The following MYL1 variants were observed in gnomAD, a reference collection of about 807,000 sequenced individuals.
MYL1 encodes the protein myosin light chain 1/3, skeletal muscle isoform.
In MYL1, 16 loss-of-function variants were observed where a neutral mutation model predicts 21.8. The ratio of observed to expected loss-of-function variants is 0.74; its 90% CI spans 0.50 to 1.12. The LOEUF is 1.12. Among genes scored for constraint, MYL1 ranks in the 50% most tolerant of loss-of-function variants. MYL1 has a pLI of 0.00. For synonymous variants in MYL1, 99 were observed against 85.2 expected, an observed-to-expected ratio of 1.16 and a Z score of -0.89; for missense variants, 246 against 241.0, an observed-to-expected ratio of 1.02 and a Z score of -0.14.
intron 1 of MYL1, among the ~76,000 whole-genome samples, chr2:210,310,485 T>C (rs2125744661): frequency 6.6e-6 from 1 of 152,210 alleles, no homozygotes; most frequent in East Asian, 1.9e-4. Flanking sequence ...TTGATGTATG[T>C]GTGTTTAATT....
At chr2:210,298,395 C>T in intron 3 of MYL1, 25 bp downstream of exon 3, 3 of 1,611,898 alleles carry the variant, frequency 1.9e-6, no homozygotes, top group African/African-American at 1.3e-5. Context: ...TACTTCCACA[C>T]TTCTTGGAAA....
chr2:210,291,074 G>A lies in MYL1; in HGVS notation c.557C>T (p.Ala186Val). 1 of 1,609,442 alleles carries A rather than the reference G, an allele frequency of 6.2e-7. No homozygotes were observed. The highest frequency in any genetic ancestry group is 8.5e-7 in the Non-Finnish European group (1 of 1,176,278). ...EDSNGCINYE[A>V]FVKHIMSI ...GATAGACATGATGTGCTTGACAAAA[G>A]CTGTAGGAGCAAAATAGACAAAATA... Residue 186 changes from alanine to valine, a missense_variant and splice_region_variant, in exon 6 of 7, where the codon GCT becomes GTT. Ala to Val is a moderately conservative substitution (Grantham distance 64). Transcript: ENST00000352451.
At chr2:210,292,603 C>T (rs1301174118) in intron 5 of MYL1, among the ~76,000 whole-genome samples, 1 of 150,010 alleles carries the variant, frequency 6.7e-6, no homozygotes, top group Admixed American at 6.6e-5. Flanking sequence ...GCTTTGGTGG[C>T]TTTTGCCATA....
In MYL1 at chr2:210,291,047, CA is replaced by C; in HGVS notation, c.583del (p.Ter195GlufsTer45). ...EAFVKHIMSI[*>X] The stretch of plus-strand genomic sequence containing the variant: ...TGGTATATACCTTGAGAGCTCCATT[CA>C]GATAGACATGATGTGCTTGACAAAA... On this transcript the variant is annotated frameshift_variant and stop_lost, in exon 6 of 7. Transcript: ENST00000352451. LOFTEE classifies it high-confidence loss of function. The C allele has an allele frequency of 6.2e-7, 1 of 1,608,390 alleles. No homozygotes were observed. Among genetic ancestry groups the C allele is most frequent in the South Asian group, 1.1e-5 (1 of 90,670 alleles).
intron 1 of MYL1, among the ~76,000 whole-genome samples, chr2:210,313,539 C>T (rs942596560): frequency 6.6e-6 from 1 of 151,928 alleles, no homozygotes; most frequent in South Asian, 2.1e-4. Flanking sequence ...TATCAGAAGA[C>T]CTGACATGCA....
intron 1 of MYL1, among the ~76,000 whole-genome samples, chr2:210,306,353 C>A (rs1447837337): frequency 1.3e-5 from 2 of 149,738 alleles, no homozygotes; most frequent in Admixed American, 6.7e-5. Context: ...TGTACCCCAG[C>A]CTGGGCTACA....
intron 3 of MYL1, 54 bp downstream of exon 3, chr2:210,298,366 A>ACACACACACT: frequency 6.4e-7 from 1 of 1,556,208 alleles, no homozygotes; most frequent in Non-Finnish European, 8.8e-7. Flanking sequence ...ACACACACAC[A>ACACACACACT]CTGCTACACA....
chr2:210,308,357 T>TA (rs1409419669), intron 1 of MYL1, among the ~76,000 whole-genome samples: 1 of 146,528 alleles, frequency 6.8e-6, no homozygotes, highest in Middle Eastern at 3.3e-3. Flanking sequence ...AGGAAATAAA[T>TA]ATTTTTGCAT....
intron 2 of MYL1, among the ~76,000 whole-genome samples, chr2:210,300,005 T>G (rs149889986): frequency 2.3e-3 from 350 of 152,102 alleles, no homozygotes; most frequent in African/African-American, 7.8e-3. Context: ...TGTTAAAACT[T>G]CCCCCTCGAA....
At position 210,308,480 on chromosome 2, in the gene MYL1, G is replaced by A. The variant is rs933349960; in HGVS notation, c.133-5965C>T. On this transcript the variant is annotated intron_variant, in intron 1 of 6. Transcript: ENST00000352451. ...ATATGGTATAAACAGGGGAAATTAA[G>A]AGTATTGAGAATATGGTACCAGCCC... Among the ~76,000 whole-genome samples the A allele has an allele frequency of 5.0e-5, 7 of 139,744 alleles. No homozygotes were observed. The South Asian group carries it at 1.6e-3, about 31-fold the overall frequency. 91.7% of individuals were successfully genotyped at this position (139,744 alleles called of 152,430 possible). A position where few individuals can be genotyped will look rare whatever the true frequency, so the allele number is the denominator to read the frequency against.
intron 2 of MYL1, among the ~76,000 whole-genome samples, chr2:210,299,078 T>G (rs1290226513): frequency 6.6e-6 from 1 of 152,182 alleles, no homozygotes; most frequent in Non-Finnish European, 1.5e-5. Flanking sequence ...ACTTTATTTT[T>G]CAGGAAAAAT....
intron 5 of MYL1, 76 bp from the exon 6 acceptor site, chr2:210,291,150 G>T: frequency 8.6e-7 from 1 of 1,156,656 alleles, no homozygotes; most frequent in African/African-American, 1.5e-5. Flanking sequence ...GAGGTTTAAT[G>T]AGTTAGCTCA....
At chr2:210,292,354 T>A (rs911430091) in intron 5 of MYL1, among the ~76,000 whole-genome samples, 2 of 152,140 alleles carry the variant, frequency 1.3e-5, no homozygotes, top group African/African-American at 4.8e-5. Flanking sequence ...TTTACAGGCG[T>A]GAGCCACCAC....
chr2:210,305,510 T>C (rs1690329914), intron 1 of MYL1, among the ~76,000 whole-genome samples: 3 of 152,124 alleles, frequency 2.0e-5, no homozygotes, highest in African/African-American at 2.4e-5. Context: ...CTTTGTGTTC[T>C]TTTTTAGTTT....
intron 2 of MYL1, among the ~76,000 whole-genome samples, chr2:210,302,134 CT>C (rs1690272913): frequency 1.3e-5 from 2 of 152,144 alleles, no homozygotes; most frequent in South Asian, 2.1e-4. Flanking sequence ...TCAAATCTCT[CT>C]TTAAGGATTA....
intron 1 of MYL1, 98 bp from the exon 2 acceptor site, chr2:210,302,613 T>G (rs888658703): frequency 1.3e-6 from 2 of 1,509,838 alleles, no homozygotes; most frequent in Non-Finnish European, 1.8e-6. Flanking sequence ...ATCTTCAAAG[T>G]AAGCTCCAAA....
chr2:210,310,198 A>G (rs554769167), intron 1 of MYL1, among the ~76,000 whole-genome samples: 3 of 152,250 alleles, frequency 2.0e-5, no homozygotes, highest in African/African-American at 7.2e-5. Flanking sequence ...AAAGAAAACA[A>G]ACTTTTAAGA....
In MYL1 at chr2:210,294,321, C is replaced by T. The variant is rs149445418; in HGVS notation, c.402G>A (p.Glu134=). The part of the protein sequence containing the change: ...KDQATYEDFV[E]GLRVFDKEGN... ...CTTCCTTGTCAAAGACACGCAGACC[C>T]TCAACAAAGTCTTCATAGGTGGCCT... The change falls in exon 4 of 7, where the codon GAG becomes GAA. Residue 134 remains glutamate (E), a synonymous_variant. Transcript: ENST00000352451. 8 of 1,613,986 alleles carry T rather than the reference C, an allele frequency of 5.0e-6. No individual in the cohort carries two copies. In the African/African-American group the frequency reaches 1.1e-4, roughly 22 times the overall value.
At chr2:210,299,052 G>T (rs955510420) in intron 2 of MYL1, among the ~76,000 whole-genome samples, 2 of 152,178 alleles carry the variant, frequency 1.3e-5, no homozygotes, top group Non-Finnish European at 2.9e-5. Flanking sequence ...CCTTTAACCA[G>T]CTTTCTCCAG....
Sources: gnomAD v4.1 joint callset for allele counts (sites outside exome capture counted in the v4.1 genomes callset) on GRCh38, gnomAD v4.1.1 for gene constraint, MANE v1.5 for transcripts, NCBI Gene and HGNC (gene_info 2026-07-23, HGNC 2026-07-21) for gene names.